The following SLC4A8 variants were observed in gnomAD, a reference collection of about 807,000 sequenced individuals.
The protein encoded by SLC4A8 is solute carrier family 4 member 8.
In SLC4A8, 40 loss-of-function variants were observed where a neutral mutation model predicts 125.0. The observed-to-expected ratio is 0.32, with a 90% CI of 0.25 to 0.42. SLC4A8 has a LOEUF of 0.42. SLC4A8 is among the 10% of genes least tolerant of loss of function. The pLI, the probability that SLC4A8 is intolerant of heterozygous loss-of-function variation, is 1.00. For missense variants in SLC4A8, 863 were observed against 1,355.1 expected (o/e 0.64, Z 5.70); for synonymous variants, 456 against 476.0 (o/e 0.96, Z 0.55).
At chr12:51,425,061 C>G in intron 1 of SLC4A8, 26 bp downstream of exon 1, 1 of 1,544,754 alleles carries the variant, frequency 6.5e-7, no homozygotes, top group Non-Finnish European at 8.7e-7. Flanking sequence ...CCGCGCCTCC[C>G]GCTCCTCCCC....
intron 16 of SLC4A8, chr12:51,480,171 CCT>C (rs1565810373): frequency 2.7e-6 from 2 of 731,594 alleles, no homozygotes; most frequent in South Asian, 3.2e-5. Context: ...AATCTCTTGA[CCT>C]CGTGATCTGC....
chr12:51,474,055 A>G (rs200872809), intron 14 of SLC4A8, among the ~76,000 whole-genome samples: 1 of 152,346 alleles, frequency 6.6e-6, no homozygotes, highest in East Asian at 1.9e-4. Flanking sequence ...AAAAACAAAA[A>G]ACAAAACAAC....
chr12:51,442,128 A>G (rs1167165146), intron 2 of SLC4A8, among the ~76,000 whole-genome samples: 4 of 152,184 alleles, frequency 2.6e-5, no homozygotes, highest in Non-Finnish European at 5.9e-5. Flanking sequence ...AAACTGCTCA[A>G]GGTCATCGAG....
chr12:51,441,619 C>G (rs1277455042), intron 2 of SLC4A8, among the ~76,000 whole-genome samples: 1 of 152,176 alleles, frequency 6.6e-6, no homozygotes, highest in Non-Finnish European at 1.5e-5. Flanking sequence ...ACATTTGGCT[C>G]AAAAGCCTTT....
intron 2 of SLC4A8, 80 bp downstream of exon 2, chr12:51,440,869 C>A: frequency 8.3e-7 from 1 of 1,206,050 alleles, no homozygotes. Flanking sequence ...TGTGTCCTAA[C>A]TCTCTCACTA....
chr12:51,462,435 AC>A lies in SLC4A8; in HGVS notation c.1230del (p.Asn412MetfsTer21). The A allele has an allele frequency of 6.3e-7, 1 of 1,578,866 alleles. No homozygotes were observed. Among genetic ancestry groups the A allele is most frequent in the Non-Finnish European group, 8.6e-7 (1 of 1,165,782 alleles). On this transcript the variant is annotated frameshift_variant, in exon 10 of 25. Transcript: ENST00000453097. LOFTEE classifies it high-confidence loss of function. ...EWDPSIRIEP[P>X]KNVPSQEKRK... is the part of the protein sequence containing the mutation. ...GGGATCCCTCCATTAGAATTGAGCC[AC>A]CCAAAAATGTCCCTTCCCAGGTAAT...
intron 1 of SLC4A8, among the ~76,000 whole-genome samples, chr12:51,408,528 C>T (rs193173437): frequency 1.9e-4 from 29 of 152,278 alleles, no homozygotes; most frequent in Admixed American, 1.0e-3. Flanking sequence ...TGAGACACTG[C>T]GCCCGGCCTA....
At chr12:51,482,572 G>A (rs1431663884) in intron 16 of SLC4A8, among the ~76,000 whole-genome samples, 2 of 152,104 alleles carry the variant, frequency 1.3e-5, no homozygotes, top group African/African-American at 4.8e-5. Context: ...TAGTGACAGA[G>A]TTTCACCGTG....
intron 1 of SLC4A8, among the ~76,000 whole-genome samples, chr12:51,417,140 C>T (rs955789347): frequency 1.3e-5 from 2 of 152,130 alleles, no homozygotes; most frequent in African/African-American, 4.8e-5. Context: ...TACATAACCA[C>T]ATTACCATCA....
intron 16 of SLC4A8, among the ~76,000 whole-genome samples, chr12:51,475,675 T>C (rs1487672931): frequency 1.3e-5 from 2 of 152,236 alleles, no homozygotes; most frequent in African/African-American, 4.8e-5. Flanking sequence ...ACCAGCATGC[T>C]CCTGACTTAG....
upstream of SLC4A8, chr12:51,420,273 T>A (rs1948759440): frequency 6.6e-6 from 1 of 152,200 alleles, no homozygotes. Context: ...TTGGGACCTA[T>A]TTAATTGCAA....
intron 6 of SLC4A8, among the ~76,000 whole-genome samples, chr12:51,457,747 G>A (rs562918184): frequency 2.0e-5 from 3 of 152,244 alleles, no homozygotes; most frequent in Admixed American, 6.5e-5. Flanking sequence ...AGGTCTCAGC[G>A]GACCCAAGGT....
intron 18 of SLC4A8, among the ~76,000 whole-genome samples, chr12:51,489,362 C>G (rs1228689678): frequency 6.6e-6 from 1 of 152,084 alleles, no homozygotes; most frequent in African/African-American, 2.4e-5. Flanking sequence ...ACCTCTAACT[C>G]CCATAGTTTC....
chr12:51,462,291 G>A lies in SLC4A8; in HGVS notation c.1102-19G>A. On this transcript the variant is annotated intron_variant, in intron 9 of 24. Coordinates refer to ENST00000453097, the MANE Select transcript of SLC4A8 (RefSeq NM_001039960.3). ...TAAAGTTACTTTTAACTTTCCTGAG[G>A]GTTTTCTCTTCTCTGTAGATTTTTC... 2 of 1,612,222 alleles carry A rather than the reference G, an allele frequency of 1.2e-6. No homozygotes were observed. The highest frequency in any genetic ancestry group is 1.7e-6 in the Non-Finnish European group (2 of 1,178,474).
intron 1 of SLC4A8, among the ~76,000 whole-genome samples, chr12:51,410,607 G>A (rs1029411966): frequency 3.9e-5 from 6 of 152,014 alleles, no homozygotes; most frequent in South Asian, 2.1e-4. Flanking sequence ...ACAGGTATGC[G>A]CCACCAGGCC....
intron 17 of SLC4A8, among the ~76,000 whole-genome samples, chr12:51,486,505 C>T (rs1464329269): frequency 6.6e-6 from 1 of 152,128 alleles, no homozygotes; most frequent in African/African-American, 2.4e-5. Context: ...AGAAACTATA[C>T]AAAAAGTCAA....
rs1209189402 is a variant in SLC4A8, at chr12:51,511,186, A to G, written c.*3748A>G. On this transcript the variant is annotated 3_prime_UTR_variant, in exon 25 of 25. Coordinates refer to ENST00000453097, the MANE Select transcript of SLC4A8 (RefSeq NM_001039960.3). ...TGGTTTTCCTTGGTGGTAATTTCTC[A>G]TGGTGGAGCTTGTTTCTGAGGCATG... 6.6e-6 allele frequency: 1 copy of G among 152,102 alleles called. No homozygotes were observed. Among genetic ancestry groups the G allele is most frequent in the Non-Finnish European group, 1.5e-5 (1 of 68,066 alleles). 9.4% of individuals were successfully genotyped at this position (152,102 alleles called of 1,614,324 possible). A position where few individuals can be genotyped will look rare whatever the true frequency, so the allele number is the denominator to read the frequency against.
chr12:51,441,207 C>T lies in SLC4A8; in HGVS notation c.130+418C>T, dbSNP rs2135830. ...TTGGCTACAAAACCCTATTTTTACC[C>T]CATTTCCAATATTTACTGTTTCTAT... On this transcript the variant is annotated intron_variant, in intron 2 of 24. Transcript: ENST00000453097. The T allele has an allele frequency of 1.4e-3, 1,410 of 982,396 alleles. 31 individuals carry two copies. In the Admixed American group the frequency reaches 0.048, roughly 33 times the overall value. 60.9% of individuals were successfully genotyped at this position (982,396 alleles called of 1,614,324 possible). A position where few individuals can be genotyped will look rare whatever the true frequency, so the allele number is the denominator to read the frequency against.
intron 1 of SLC4A8, among the ~76,000 whole-genome samples, chr12:51,416,833 A>G (rs1948696259): frequency 6.6e-6 from 1 of 152,312 alleles, no homozygotes; most frequent in African/African-American, 2.4e-5. Flanking sequence ...ACACTGCAGC[A>G]TGCATCTCCT....
Sources: allele counts gnomAD v4.1 joint callset (sites outside exome capture counted in the v4.1 genomes callset), GRCh38; gene constraint gnomAD v4.1.1; transcripts MANE v1.5; gene names NCBI Gene and HGNC (gene_info 2026-07-23, HGNC 2026-07-21).